DISC1: variants seen among roughly 807,000 people sequenced by gnomAD.
DISC1 encodes the protein disrupted in schizophrenia 1 protein.
In DISC1, 57 loss-of-function variants were observed where a neutral mutation model predicts 84.5. The observed-to-expected ratio is 0.67, with a 90% confidence interval of 0.55 to 0.84. DISC1 has a LOEUF of 0.84. DISC1 is among the 40% of genes least tolerant of loss of function. The pLI, the probability that DISC1 is intolerant of heterozygous loss-of-function variation, is 0.00. For missense variants in DISC1, 1,000 were observed against 1,057.8 expected, an observed-to-expected ratio of 0.95 and a Z score of 0.76; for synonymous variants, 411 against 415.2, an observed-to-expected ratio of 0.99 and a Z score of 0.12.
chr1:231,919,081 T>C (rs2089830605), intron 9 of DISC1, among the ~76,000 whole-genome samples: 1 of 152,224 alleles, frequency 6.6e-6, no homozygotes, highest in Non-Finnish European at 1.5e-5. Context: ...ATATTTTACC[T>C]GTTTGGTTGC....
At chr1:231,647,868 A>G (rs1434682517) in intron 1 of DISC1, among the ~76,000 whole-genome samples, 1 of 151,988 alleles carries the variant, frequency 6.6e-6, no homozygotes, top group Non-Finnish European at 1.5e-5. Flanking sequence ...TTTGTCTGTT[A>G]TTGGTGTATA....
chr1:231,629,369 G>A (rs1267479119), intron 1 of DISC1: 2 of 152,982 alleles, frequency 1.3e-5, no homozygotes, highest in East Asian at 3.8e-4. Flanking sequence ...TGGGCCCCGG[G>A]ACTTTTCTGC....
chr1:232,007,112 G>A (rs143412188), intron 10 of DISC1, among the ~76,000 whole-genome samples: 4,798 of 152,212 alleles, frequency 0.032, 248 homozygotes, highest in African/African-American at 0.11. Context: ...TGGATTTCCA[G>A]GCAGAAGTTT....
chr1:231,969,182 A>G (rs899968315), intron 10 of DISC1, among the ~76,000 whole-genome samples: 10 of 123,708 alleles, frequency 8.1e-5, no homozygotes, highest in African/African-American at 2.6e-4. Flanking sequence ...CCAAACACTC[A>G]GCGGTTTTTT....
chr1:231,642,013 G>C (rs539970849), intron 1 of DISC1, among the ~76,000 whole-genome samples: 1 of 152,176 alleles, frequency 6.6e-6, no homozygotes, highest in African/African-American at 2.4e-5. Flanking sequence ...GGCGCTTGTC[G>C]GGGAGGCTCG....
intron 9 of DISC1, among the ~76,000 whole-genome samples, chr1:231,894,919 GCA>G (rs1161163862): frequency 1.3e-5 from 2 of 149,062 alleles, no homozygotes; most frequent in Admixed American, 6.7e-5. Context: ...CTTATCACAT[GCA>G]CACACACACA....
chr1:231,849,856 A>G (rs1013972910), intron 9 of DISC1, among the ~76,000 whole-genome samples: 8 of 152,162 alleles, frequency 5.3e-5, no homozygotes, highest in Non-Finnish European at 8.8e-5. Flanking sequence ...AGACTGTAAG[A>G]TTTTTAAGAG....
At chr1:231,819,214 A>G (rs567981419) in intron 9 of DISC1, 1 of 819,362 alleles carries the variant, frequency 1.2e-6, no homozygotes, top group South Asian at 5.6e-5. Context: ...CAAATGAAAG[A>G]AATATATATA....
At chr1:231,859,569 T>TG (rs11383743) in intron 9 of DISC1, among the ~76,000 whole-genome samples, 138,898 of 152,160 alleles carry the variant, frequency 0.91, 63,586 homozygotes, top group East Asian at 0.99. Context: ...ACCATCACTT[T>TG]GGGGTTAGGA....
chr1:231,811,474 A>G (rs1293063972), intron 8 of DISC1, among the ~76,000 whole-genome samples: 4 of 152,244 alleles, frequency 2.6e-5, no homozygotes, highest in African/African-American at 9.6e-5. Context: ...GACAAATTAT[A>G]CAGCAGTCTA....
chr1:232,007,229 G>T (rs1213965374), intron 10 of DISC1, among the ~76,000 whole-genome samples: 1 of 152,192 alleles, frequency 6.6e-6, no homozygotes, highest in Non-Finnish European at 1.5e-5. Flanking sequence ...CTGCCTAGTG[G>T]AGCTGTGAGA....
intron 1 of DISC1, among the ~76,000 whole-genome samples, chr1:231,641,125 T>C (rs148284916): frequency 1.6e-3 from 247 of 152,276 alleles, no homozygotes; most frequent in African/African-American, 5.8e-3. Flanking sequence ...GCAATGACAA[T>C]CAAGGTGAGC....
intron 6 of DISC1, among the ~76,000 whole-genome samples, chr1:231,775,298 T>C (rs1393865301): frequency 6.6e-6 from 1 of 152,198 alleles, no homozygotes; most frequent in Non-Finnish European, 1.5e-5. Context: ...GCATGTGACA[T>C]TTCTGGATGT....
At chr1:231,840,696 G>GTT (rs776980827) in intron 9 of DISC1, among the ~76,000 whole-genome samples, 24 of 145,810 alleles carry the variant, frequency 1.6e-4, no homozygotes, top group African/African-American at 5.1e-4. Context: ...GTTTTTATTT[G>GTT]TTTTTTTTTT....
intron 6 of DISC1, among the ~76,000 whole-genome samples, chr1:231,782,229 C>A (rs945731002): frequency 6.6e-6 from 1 of 152,202 alleles, no homozygotes; most frequent in Non-Finnish European, 1.5e-5. Flanking sequence ...TATGCAATTT[C>A]TCCTTTAGTC....
intron 12 of DISC1, among the ~76,000 whole-genome samples, chr1:232,032,377 C>G (rs1234662674): frequency 6.6e-6 from 1 of 152,120 alleles, no homozygotes; most frequent in East Asian, 1.9e-4. Flanking sequence ...AAATGGTACC[C>G]CAAATGACAA....
At chr1:231,824,848 T>C (rs1331546652) in intron 9 of DISC1, among the ~76,000 whole-genome samples, 2 of 152,040 alleles carry the variant, frequency 1.3e-5, no homozygotes, top group Non-Finnish European at 1.5e-5. Context: ...TGTAATACTG[T>C]AGAACCAGAT....
At chr1:231,744,784 A>G (rs962125394) in intron 3 of DISC1, among the ~76,000 whole-genome samples, 1 of 151,326 alleles carries the variant, frequency 6.6e-6, no homozygotes, top group Non-Finnish European at 1.5e-5. Context: ...AACATGGGTG[A>G]TCTATCTATC....
At chr1:231,660,809 C>G (rs1270367942) in intron 1 of DISC1, among the ~76,000 whole-genome samples, 1 of 152,158 alleles carries the variant, frequency 6.6e-6, no homozygotes, top group Non-Finnish European at 1.5e-5. Context: ...ATCCTGTCAT[C>G]ATGATGCTAG....
Sources: gnomAD v4.1 joint callset for allele counts (sites outside exome capture counted in the v4.1 genomes callset) on GRCh38, gnomAD v4.1.1 for gene constraint, MANE v1.5 for transcripts, NCBI Gene and HGNC (gene_info 2026-07-23, HGNC 2026-07-21) for gene names.